DPF2: variants seen among roughly 807,000 people sequenced by gnomAD.
The protein encoded by DPF2 is zinc finger protein ubi-d4.
A neutral mutation model predicts 59.6 loss-of-function variants in DPF2; 10 were observed. The ratio of observed to expected loss-of-function variants is 0.17; its 90% CI spans 0.10 to 0.28. The LOEUF is 0.28. Ranked by LOEUF, DPF2 falls within the 10% of genes least tolerant of loss-of-function variation. The probability of loss-of-function intolerance (pLI) is 1.00; values close to 1 mark genes in which losing one functional copy is unlikely to be tolerated. For synonymous variants in DPF2, 189 were observed against 190.6 expected, an observed-to-expected ratio of 0.99 and a Z score of 0.07; for missense variants, 315 against 509.4, an observed-to-expected ratio of 0.62 and a Z score of 3.67.
At chr11:65,343,719 C>T (rs754655142) in intron 4 of DPF2, 26 bp from the exon 5 acceptor site, 3 of 1,569,386 alleles carry the variant, frequency 1.9e-6, no homozygotes, top group Non-Finnish European at 2.6e-6. Flanking sequence ...ATATTTCTAC[C>T]CATGCTAACC....
chr11:65,341,924 A>T (rs940244724), intron 4 of DPF2: 20 of 166,958 alleles, frequency 1.2e-4, no homozygotes, highest in Non-Finnish European at 2.0e-4. Flanking sequence ...AGCCTGGGCA[A>T]CAAAGTGAGA....
intron 6 of DPF2, chr11:65,345,051 G>A: frequency 5.2e-6 from 1 of 190,490 alleles, no homozygotes; most frequent in Non-Finnish European, 1.1e-5. Flanking sequence ...ATGCCTCATG[G>A]GGATCTGCTT....
Position 65,345,585 on chromosome 11 carries a change from G to A in DPF2, c.638-81G>A, listed in dbSNP as rs970110447. The A allele has an allele frequency of 1.4e-5, 22 of 1,573,502 alleles. No homozygotes were observed. In the African/African-American group the frequency reaches 3.0e-4, roughly 21 times the overall value. ...GGGATGGTTGCCCTCTGCCTCAGGT[G>A]GAGCCCCCACAGCTTGCAGGGATGG... On this transcript the variant is annotated intron_variant, in intron 6 of 10. Coordinates refer to ENST00000528416, the MANE Select transcript of DPF2 (RefSeq NM_006268.5).
chr11:65,350,010 A>G (rs1359118828), intron 10 of DPF2, among the ~76,000 whole-genome samples: 1 of 152,166 alleles, frequency 6.6e-6, no homozygotes, highest in Non-Finnish European at 1.5e-5. Flanking sequence ...GTCCTTTAGC[A>G]GCTGTAGGGG....
intron 1 of DPF2, among the ~76,000 whole-genome samples, chr11:65,339,863 T>G (rs1854311121): frequency 6.6e-6 from 1 of 152,254 alleles, no homozygotes; most frequent in Non-Finnish European, 1.5e-5. Context: ...TTTCATTGTA[T>G]GGATTTACCA....
rs761247048 is a variant in DPF2 at position 65,345,742 on chromosome 11, C to T, written c.714C>T (p.Gly238=). The T allele has an allele frequency of 6.2e-6, 10 of 1,613,946 alleles. No individual in the cohort carries two copies. The highest frequency in any genetic ancestry group is 2.7e-5 in the African/African-American group (2 of 74,874). Residue 238 remains glycine, a synonymous_variant, in exon 7 of 11, where the codon GGC becomes GGT. Coordinates refer to ENST00000528416, the MANE Select transcript of DPF2 (RefSeq NM_006268.5). Reference sequence around the variant, plus strand: ...ACTCCCACTTGGCTGAGGAGGAGGGCGAGGACAAGGAAGACTCTCAACCAC... The same window carrying T: ...ACTCCCACTTGGCTGAGGAGGAGGGTGAGGACAAGGAAGACTCTCAACCAC... ...YAHSHLAEEE[G]EDKEDSQPPT... is the part of the protein sequence containing the mutation.
chr11:65,353,917 C>A lies in DPF2; in HGVS notation c.*2158C>A, dbSNP rs986391057. On this transcript the variant is annotated 3_prime_UTR_variant, in exon 11 of 11. Coordinates refer to ENST00000528416, the MANE Select transcript of DPF2 (RefSeq NM_006268.5). ...GGATGCGCTTTGGCAGCTGAGTAGT[C>A]CGAGAGCCAGAAAAGAAATGTGGAA... Among the ~76,000 whole-genome samples, 5 of 152,134 alleles carry A rather than the reference C, an allele frequency of 3.3e-5. No homozygotes were observed. Among genetic ancestry groups the A allele is most frequent in the African/African-American group, 1.2e-4 (5 of 41,410 alleles).
At chr11:65,345,850 T>G in intron 7 of DPF2, 47 bp downstream of exon 7, 1 of 1,613,382 alleles carries the variant, frequency 6.2e-7, no homozygotes, top group Non-Finnish European at 8.5e-7. Flanking sequence ...GTTGGCCTGG[T>G]TATGAAAACC....
chr11:65,349,996 A>G (rs930134645), intron 10 of DPF2, among the ~76,000 whole-genome samples: 4 of 152,190 alleles, frequency 2.6e-5, no homozygotes, highest in African/African-American at 7.2e-5. Flanking sequence ...GACAATGTCT[A>G]AGAGTCCTTT....
At chr11:65,345,867 T>C in intron 7 of DPF2, 63 bp from the exon 8 acceptor site, 1 of 1,613,354 alleles carries the variant, frequency 6.2e-7, no homozygotes. Context: ...AACCACTCCT[T>C]GCATGGGTGT....
chr11:65,341,424 G>A lies in DPF2; in HGVS notation c.327G>A (p.Glu109=). The A allele has an allele frequency of 6.2e-7, 1 of 1,614,194 alleles. No homozygotes were observed. The highest frequency in any genetic ancestry group is 2.2e-5 in the East Asian group (1 of 44,890). ...KPDTDQTLKK[E]GLISQDGSSL... ...ACACAGACCAGACCCTGAAGAAGGA[G>A]GGGCTGATCTCTCAGGATGGCAGTA... is the stretch of plus-strand genomic sequence containing the variant. The change falls in exon 4 of 11, where the codon GAG becomes GAA. Residue 109 remains glutamate, a synonymous_variant. Transcript: ENST00000528416.
intron 1 of DPF2, among the ~76,000 whole-genome samples, chr11:65,336,990 A>G (rs1854174332): frequency 6.6e-6 from 1 of 151,934 alleles, no homozygotes; most frequent in Non-Finnish European, 1.5e-5. Flanking sequence ...CAGGAGGCTG[A>G]GGCAGAAGAA....
In DPF2 at chr11:65,354,219, A is replaced by G. The variant is rs1854800926; in HGVS notation, c.*2460A>G. ...CCAGATCTTGAGTTTAAGAACTTGA[A>G]TCTTGTAAAGTACCAAATCTAATAA... is the stretch of plus-strand genomic sequence containing the variant. On this transcript the variant is annotated 3_prime_UTR_variant, in exon 11 of 11. Transcript: ENST00000528416. Among the ~76,000 whole-genome samples the G allele has an allele frequency of 6.6e-6, 1 of 152,226 alleles. No individual in the cohort carries two copies. Among genetic ancestry groups the G allele is most frequent in the African/African-American group, 2.4e-5 (1 of 41,460 alleles).
intron 6 of DPF2, chr11:65,344,903 G>A (rs539805597): frequency 4.5e-4 from 196 of 432,708 alleles, no homozygotes; most frequent in Non-Finnish European, 6.3e-4. Context: ...AGACCCTTCC[G>A]CTCCCTCCCC....
chr11:65,338,741 T>C (rs1352744106), intron 1 of DPF2, among the ~76,000 whole-genome samples: 1 of 152,238 alleles, frequency 6.6e-6, no homozygotes, highest in Non-Finnish European at 1.5e-5. Context: ...GTGTCTTTTT[T>C]ACTTGCTGGG....
At chr11:65,350,859 A>G (rs1854676321) in intron 10 of DPF2, among the ~76,000 whole-genome samples, 1 of 151,828 alleles carries the variant, frequency 6.6e-6, no homozygotes, top group South Asian at 2.1e-4. Context: ...TGCGCTTGTA[A>G]TCTCAGCTAC....
intron 4 of DPF2, 45 bp from the exon 5 acceptor site, chr11:65,343,700 T>A: frequency 6.4e-7 from 1 of 1,550,728 alleles, no homozygotes; most frequent in Non-Finnish European, 8.7e-7. Context: ...GGGGAGCTTT[T>A]GGATGCACAT....
intron 10 of DPF2, among the ~76,000 whole-genome samples, chr11:65,351,299 A>G (rs931162337): frequency 6.6e-6 from 1 of 152,212 alleles, no homozygotes; most frequent in Non-Finnish European, 1.5e-5. Context: ...ATTGTTTTTC[A>G]TATAAGGGAC....
At chr11:65,337,496 T>A (rs1166707217) in intron 1 of DPF2, among the ~76,000 whole-genome samples, 1 of 57,216 alleles carries the variant, frequency 1.7e-5, no homozygotes, top group Non-Finnish European at 3.2e-5. Flanking sequence ...TATATATATA[T>A]ATATATATAG....
Sources: allele counts gnomAD v4.1 joint callset (sites outside exome capture counted in the v4.1 genomes callset), GRCh38; gene constraint gnomAD v4.1.1; transcripts MANE v1.5; gene names NCBI Gene and HGNC (gene_info 2026-07-23, HGNC 2026-07-21).